The following ADGRB3 variants were observed in gnomAD, a reference collection of about 807,000 sequenced individuals.
ADGRB3 encodes the protein adhesion G protein-coupled receptor B3.
ADGRB3 carries 37 observed loss-of-function variants against 193.4 expected under a neutral mutation model. The observed-to-expected ratio is 0.19, with a 90% CI of 0.15 to 0.25. The LOEUF (loss-of-function observed/expected upper bound fraction) is 0.25, where lower values mean the gene tolerates loss of function less well. Ranked by LOEUF, ADGRB3 falls within the 10% of genes least tolerant of loss-of-function variation. The probability of loss-of-function intolerance (pLI) is 1.00; values close to 1 mark genes in which losing one functional copy is unlikely to be tolerated. For missense variants in ADGRB3, 1,637 were observed against 1,852.9 expected (o/e 0.88, Z 2.14); for synonymous variants, 690 against 644.2 (o/e 1.07, Z -1.08).
intron 11 of ADGRB3, among the ~76,000 whole-genome samples, chr6:69,013,267 G>C (rs926983182): frequency 6.6e-6 from 1 of 152,056 alleles, no homozygotes; most frequent in African/African-American, 2.4e-5. Context: ...ATTGTGAATG[G>C]AATATGAACA....
chr6:69,366,863 C>A (rs1582660432), intron 29 of ADGRB3, among the ~76,000 whole-genome samples: 1 of 152,226 alleles, frequency 6.6e-6, no homozygotes, highest in Non-Finnish European at 1.5e-5. Flanking sequence ...GTGAATGTCT[C>A]CTATTGTGCC....
At chr6:68,999,893 G>A (rs946360356) in intron 11 of ADGRB3, among the ~76,000 whole-genome samples, 2 of 151,942 alleles carry the variant, frequency 1.3e-5, no homozygotes, top group Admixed American at 6.6e-5. Context: ...ATATAATAAT[G>A]TTTGAGGAAC....
At chr6:69,030,339 C>T (rs985714864) in intron 13 of ADGRB3, among the ~76,000 whole-genome samples, 9 of 152,056 alleles carry the variant, frequency 5.9e-5, no homozygotes, top group African/African-American at 2.2e-4. Flanking sequence ...GCACTATTCA[C>T]AATAGCAAAG....
chr6:69,114,877 A>C (rs1332582865), intron 17 of ADGRB3, among the ~76,000 whole-genome samples: 1 of 152,222 alleles, frequency 6.6e-6, no homozygotes, highest in Non-Finnish European at 1.5e-5. Flanking sequence ...GAGAAATGCA[A>C]ATCAAAACCA....
At chr6:68,935,518 C>G (rs1431021950) in intron 4 of ADGRB3, among the ~76,000 whole-genome samples, 1 of 152,142 alleles carries the variant, frequency 6.6e-6, no homozygotes, top group Non-Finnish European at 1.5e-5. Flanking sequence ...ACAAAGTTTT[C>G]AGAAACATTT....
At chr6:69,068,406 A>G (rs973647452) in intron 16 of ADGRB3, among the ~76,000 whole-genome samples, 1 of 152,188 alleles carries the variant, frequency 6.6e-6, no homozygotes, top group Non-Finnish European at 1.5e-5. Context: ...CTATTTCTTT[A>G]TTAAAGTTAT....
chr6:68,818,702 C>T (rs1165822183), intron 3 of ADGRB3, among the ~76,000 whole-genome samples: 1 of 151,930 alleles, frequency 6.6e-6, no homozygotes. Flanking sequence ...TGTACAGTTC[C>T]AAAATGAACT....
chr6:69,274,954 T>C (rs1196010622), intron 20 of ADGRB3, among the ~76,000 whole-genome samples: 1 of 152,196 alleles, frequency 6.6e-6, no homozygotes, highest in African/African-American at 2.4e-5. Flanking sequence ...TTAGGATTTT[T>C]CATTTGGTGG....
chr6:69,251,507 T>A (rs1561966388), intron 20 of ADGRB3, among the ~76,000 whole-genome samples: 1 of 152,210 alleles, frequency 6.6e-6, no homozygotes, highest in Non-Finnish European at 1.5e-5. Flanking sequence ...ACTCATTAAA[T>A]ATTTTTAAGT....
intron 17 of ADGRB3, among the ~76,000 whole-genome samples, chr6:69,147,665 C>T (rs568149034): frequency 5.1e-4 from 77 of 152,082 alleles, no homozygotes; most frequent in African/African-American, 1.8e-3. Context: ...TCCATTTGGG[C>T]TATATTGAAG....
chr6:68,840,369 C>CTTTTTTTTT lies in ADGRB3; in HGVS notation c.758-90159_758-90151dup, dbSNP rs752625602. Among the ~76,000 whole-genome samples, 159 of 69,424 alleles carry CTTTTTTTTT rather than the reference C, an allele frequency of 2.3e-3. 28 individuals carry two copies. The highest frequency in any genetic ancestry group is 4.2e-3 in the African/African-American group (56 of 13,418). The allele number at this position is 69,424 out of a possible 152,430, so 45.5% of individuals were successfully genotyped here. A position where few individuals can be genotyped will look rare whatever the true frequency, so the allele number is the denominator to read the frequency against. On this transcript the variant is annotated intron_variant, in intron 3 of 31. Transcript: ENST00000370598. Reference sequence around the variant, plus strand: ...GCAGTGGAGTAAGGCACTGGGCAGTCTTTTTTTTTTTTTTTTTTTTTTTTT... The same window carrying CTTTTTTTTT: ...GCAGTGGAGTAAGGCACTGGGCAGTCTTTTTTTTTTTTTTTTTTTTTTTTTTTTTTTTTT...
intron 3 of ADGRB3, among the ~76,000 whole-genome samples, chr6:68,839,854 T>TA (rs1370510093): frequency 1.3e-5 from 2 of 152,152 alleles, no homozygotes; most frequent in Non-Finnish European, 2.9e-5. Context: ...CCCTGTCTTA[T>TA]GGCAGCTGCA....
At chr6:69,387,745 A>G (rs1266783211) in intron 31 of ADGRB3, among the ~76,000 whole-genome samples, 2 of 152,066 alleles carry the variant, frequency 1.3e-5, no homozygotes, top group Non-Finnish European at 2.9e-5. Context: ...TTCTTTAGCC[A>G]TAGTTTCAGA....
At chr6:68,977,935 T>C (rs1768795350) in intron 10 of ADGRB3, among the ~76,000 whole-genome samples, 1 of 151,562 alleles carries the variant, frequency 6.6e-6, no homozygotes, top group Non-Finnish European at 1.5e-5. Context: ...CATTCAACCT[T>C]CTGAACTTTT....
chr6:68,998,292 G>A (rs1769455598), intron 11 of ADGRB3, among the ~76,000 whole-genome samples: 1 of 152,200 alleles, frequency 6.6e-6, no homozygotes, highest in South Asian at 2.1e-4. Flanking sequence ...ATAATTTGCT[G>A]CCATTGACAA....
At chr6:69,243,719 G>C (rs1766431138) in intron 20 of ADGRB3, among the ~76,000 whole-genome samples, 1 of 151,894 alleles carries the variant, frequency 6.6e-6, no homozygotes, top group Non-Finnish European at 1.5e-5. Context: ...GTAAAGTGTT[G>C]ATTGTGGCTA....
rs925444770 is a variant in ADGRB3, at chr6:69,273,125, T to G, written c.2814+33899T>G. Among the ~76,000 whole-genome samples, 3 of 152,256 alleles carry G rather than the reference T, an allele frequency of 2.0e-5. No individual in the cohort carries two copies. In the East Asian group the frequency reaches 5.8e-4, roughly 29 times the overall value. ...CATGTTGGCCAAGCTGGTCTTGAAC[T>G]CCTGACCTGAGGTGATCCGCCCGCC... is the stretch of plus-strand genomic sequence containing the variant. On this transcript the variant is annotated intron_variant, in intron 20 of 31. Coordinates refer to ENST00000370598, the MANE Select transcript of ADGRB3 (RefSeq NM_001704.3).
intron 17 of ADGRB3, among the ~76,000 whole-genome samples, chr6:69,202,613 C>T (rs1162502609): frequency 3.3e-5 from 5 of 152,094 alleles, no homozygotes; most frequent in Admixed American, 6.6e-5. Context: ...GTCAAGTGTC[C>T]TAATTGAGAT....
Position 69,375,864 on chromosome 6 carries a change from A to G in ADGRB3, c.4275+3423A>G, listed in dbSNP as rs191548734. 2.8e-4 allele frequency among the ~76,000 whole-genome samples: 42 copies of G among 152,044 alleles called. No individual in the cohort carries two copies. In the East Asian group the frequency reaches 5.1e-3, roughly 18 times the overall value. ...AGGCTGGGGCGGGAGAATTGATTGA[A>G]TCCAGGAGGTGGAGATTGCAGTGAA... On this transcript the variant is annotated intron_variant, in intron 30 of 31. Coordinates refer to ENST00000370598, the MANE Select transcript of ADGRB3 (RefSeq NM_001704.3).
Sources: gnomAD v4.1 joint callset for allele counts (sites outside exome capture counted in the v4.1 genomes callset) on GRCh38, gnomAD v4.1.1 for gene constraint, MANE v1.5 for transcripts, NCBI Gene and HGNC (gene_info 2026-07-23, HGNC 2026-07-21) for gene names.